CSMD2: variants seen among roughly 807,000 people sequenced by gnomAD.
The protein encoded by CSMD2 is CUB and Sushi multiple domains 2, also known as CUB and sushi domain-containing protein 2.
CSMD2 carries 130 observed loss-of-function variants against 398.5 expected under a neutral mutation model. That is an observed-to-expected ratio of 0.33 (90% confidence interval 0.28 to 0.38). The LOEUF (loss-of-function observed/expected upper bound fraction) is 0.38. Among genes scored for constraint, CSMD2 ranks in the 10% least tolerant of loss-of-function variants. CSMD2 has a pLI of 1.00. For synonymous variants in CSMD2, 1,828 were observed against 1,908.5 expected, an observed-to-expected ratio of 0.96 and a Z score of 1.10; for missense variants, 3,829 against 4,764.9, an observed-to-expected ratio of 0.80 and a Z score of 5.78.
intron 3 of CSMD2, among the ~76,000 whole-genome samples, chr1:33,947,442 GC>G (rs1644872801): frequency 6.6e-6 from 1 of 152,142 alleles, no homozygotes; most frequent in Admixed American, 6.6e-5. Flanking sequence ...GAACTCCAGA[GC>G]CCCTATTTCC....
At chr1:33,673,296 G>A (rs1436428716) in intron 25 of CSMD2, among the ~76,000 whole-genome samples, 2 of 152,206 alleles carry the variant, frequency 1.3e-5, no homozygotes, top group South Asian at 2.1e-4. Flanking sequence ...ACCACGGCAC[G>A]AGAACTACGT....
chr1:34,070,517 GA>G (rs1655613967), intron 2 of CSMD2, among the ~76,000 whole-genome samples: 1 of 152,230 alleles, frequency 6.6e-6, no homozygotes, highest in African/African-American at 2.4e-5. Flanking sequence ...AAAATGGGAT[GA>G]ATATGACACT....
At position 33,658,996 on chromosome 1, in the gene CSMD2, T is replaced by C. The variant is rs148899703; in HGVS notation, c.4256-859A>G. Among the ~76,000 whole-genome samples the C allele has an allele frequency of 7.2e-4, 110 of 152,350 alleles. 1 individual carries two copies. The highest frequency in any genetic ancestry group is 2.4e-3 in the African/African-American group (101 of 41,592). On this transcript the variant is annotated intron_variant, in intron 26 of 70. Transcript: ENST00000373381. ...AGTTACTGAAGTTAGGTCAAGATCA[T>C]GCTCTCTCTTGCAATGGCAGACAAC...
chr1:33,892,861 G>A (rs1642118999), intron 5 of CSMD2, among the ~76,000 whole-genome samples: 1 of 152,160 alleles, frequency 6.6e-6, no homozygotes, highest in Non-Finnish European at 1.5e-5. Flanking sequence ...GAGTCTGGTT[G>A]GGTGACTTTG....
At chr1:34,100,085 T>C (rs1047637050) in intron 1 of CSMD2, among the ~76,000 whole-genome samples, 2 of 152,238 alleles carry the variant, frequency 1.3e-5, no homozygotes, top group African/African-American at 4.8e-5. Flanking sequence ...TTTTCATTTT[T>C]CTGAGATTTT....
At chr1:33,744,413 T>C (rs745856610) in intron 13 of CSMD2, among the ~76,000 whole-genome samples, 7 of 152,114 alleles carry the variant, frequency 4.6e-5, no homozygotes, top group Non-Finnish European at 1.0e-4. Flanking sequence ...CTGAAGAAAC[T>C]GGGGGAGGGA....
chr1:33,914,625 A>G (rs1643632438), intron 5 of CSMD2, among the ~76,000 whole-genome samples: 1 of 152,224 alleles, frequency 6.6e-6, no homozygotes, highest in South Asian at 2.1e-4. Flanking sequence ...TGCTCACCAC[A>G]GTAACAGCTT....
intron 44 of CSMD2, among the ~76,000 whole-genome samples, chr1:33,593,678 C>T (rs568033625): frequency 3.3e-5 from 5 of 152,270 alleles, no homozygotes; most frequent in Admixed American, 2.0e-4. Context: ...TACAGCCAAA[C>T]CAGATCATTA....
At chr1:33,634,119 G>A (rs1398631061) in intron 31 of CSMD2, among the ~76,000 whole-genome samples, 1 of 152,198 alleles carries the variant, frequency 6.6e-6, no homozygotes, top group Admixed American at 6.5e-5. Context: ...GATCCTGCAG[G>A]TCTGAGGCCC....
At chr1:34,147,371 G>A (rs776094866) in intron 1 of CSMD2, among the ~76,000 whole-genome samples, 9 of 152,210 alleles carry the variant, frequency 5.9e-5, no homozygotes, top group Non-Finnish European at 1.0e-4. Flanking sequence ...GTGATGGGCA[G>A]TGTCAGACGC....
At chr1:33,667,781 G>A (rs915696917) in intron 25 of CSMD2, among the ~76,000 whole-genome samples, 5 of 152,178 alleles carry the variant, frequency 3.3e-5, no homozygotes, top group African/African-American at 7.2e-5. Context: ...CTGTGTGCAC[G>A]AACAATACAA....
intron 10 of CSMD2, 123 bp downstream of exon 10, chr1:33,810,620 G>A: frequency 2.2e-6 from 2 of 894,660 alleles, no homozygotes; most frequent in Non-Finnish European, 1.6e-6. Flanking sequence ...AAAAAAAAAA[G>A]TAAAAGAACT....
chr1:33,681,190 C>T (rs902272077), intron 25 of CSMD2, among the ~76,000 whole-genome samples: 1 of 152,004 alleles, frequency 6.6e-6, no homozygotes, highest in Non-Finnish European at 1.5e-5. Context: ...TCCCAAAGTG[C>T]TGGGATTACA....
At position 33,725,626 on chromosome 1, in the gene CSMD2, G is replaced by A. The variant is rs114965629; in HGVS notation, c.2508-90C>T. On this transcript the variant is annotated intron_variant, in intron 16 of 70. Coordinates refer to ENST00000373381, the MANE Select transcript of CSMD2 (RefSeq NM_001281956.2). ...AAGCCCTGCCTGACCCAGGGCTTCC[G>A]AATAACCAGATTTTGGCAGGCTGGG... 729 of 1,203,632 alleles carry A rather than the reference G, an allele frequency of 6.1e-4. 6 individuals are homozygous for A. In the African/African-American group the frequency reaches 9.7e-3, roughly 16 times the overall value. 74.6% of individuals were successfully genotyped at this position (1,203,632 alleles called of 1,614,324 possible). A position where few individuals can be genotyped will look rare whatever the true frequency, so the allele number is the denominator to read the frequency against.
chr1:34,055,356 A>C (rs1185713489), intron 2 of CSMD2, among the ~76,000 whole-genome samples: 3 of 152,142 alleles, frequency 2.0e-5, no homozygotes, highest in African/African-American at 7.2e-5. Flanking sequence ...AGTGCAATTC[A>C]ACTCTGATTA....
At position 34,004,493 on chromosome 1, in the gene CSMD2, C is replaced by A. The variant is rs375969626; in HGVS notation, c.517+28101G>T. Among the ~76,000 whole-genome samples the A allele has an allele frequency of 5.9e-4, 90 of 152,110 alleles. 2 individuals are homozygous for A. Among genetic ancestry groups the A allele is most frequent in the Admixed American group, 2.2e-3 (34 of 15,290 alleles). On this transcript the variant is annotated intron_variant, in intron 3 of 70. Coordinates refer to ENST00000373381, the MANE Select transcript of CSMD2 (RefSeq NM_001281956.2). ...TTTGTTTGTTTTTGTTTTTTGCCAG[C>A]GCCATTCTTTGTACATATACTATAT...
intron 25 of CSMD2, among the ~76,000 whole-genome samples, chr1:33,687,069 C>T (rs1288855967): frequency 1.3e-5 from 2 of 152,154 alleles, no homozygotes; most frequent in African/African-American, 4.8e-5. Flanking sequence ...AGAACTGAGG[C>T]ACAGAGGGCT....
At chr1:33,549,556 G>A (rs1657231994) in intron 56 of CSMD2, among the ~76,000 whole-genome samples, 1 of 152,184 alleles carries the variant, frequency 6.6e-6, no homozygotes, top group African/African-American at 2.4e-5. Flanking sequence ...CTCTACATTT[G>A]CGATTTTGAT....
intron 2 of CSMD2, among the ~76,000 whole-genome samples, chr1:34,087,288 G>A (rs1657993145): frequency 6.6e-6 from 1 of 151,960 alleles, no homozygotes; most frequent in African/African-American, 2.4e-5. Context: ...AGCAATCACA[G>A]CCATAAAAAA....
Sources: allele counts gnomAD v4.1 joint callset (sites outside exome capture counted in the v4.1 genomes callset), GRCh38; gene constraint gnomAD v4.1.1; transcripts MANE v1.5; gene names NCBI Gene and HGNC (gene_info 2026-07-23, HGNC 2026-07-21).